The following NIPA1 variants were observed in gnomAD, a reference collection of about 807,000 sequenced individuals.
The protein encoded by NIPA1 is NIPA magnesium transporter 1.
In NIPA1, 13 loss-of-function variants were observed where a neutral mutation model predicts 23.9. That is an observed-to-expected ratio of 0.54 (90% CI 0.35 to 0.87). The LOEUF (loss-of-function observed/expected upper bound fraction) is 0.87. Among genes scored for constraint, NIPA1 ranks in the 40% least tolerant of loss-of-function variants. The pLI is 0.01. For synonymous variants in NIPA1, 234 were observed against 202.9 expected (o/e 1.15, Z -1.30); for missense variants, 362 against 429.7 (o/e 0.84, Z 1.39).
intron 1 of NIPA1, among the ~76,000 whole-genome samples, chr15:22,806,056 T>C (rs1237980430): frequency 6.6e-6 from 1 of 152,126 alleles, no homozygotes; most frequent in Admixed American, 6.5e-5. Context: ...CCCGAATAGC[T>C]GGGACTACAG....
At chr15:22,803,368 T>C (rs2140859492) in intron 1 of NIPA1, among the ~76,000 whole-genome samples, 1 of 152,124 alleles carries the variant, frequency 6.6e-6, no homozygotes, top group African/African-American at 2.4e-5. Flanking sequence ...TACGTATGTA[T>C]ATATATACTC....
intron 1 of NIPA1, among the ~76,000 whole-genome samples, chr15:22,790,212 A>G (rs1274692745): frequency 6.6e-6 from 1 of 152,204 alleles, no homozygotes; most frequent in Non-Finnish European, 1.5e-5. Context: ...TTCCCCAGTG[A>G]CCACCCAGTG....
intron 1 of NIPA1, among the ~76,000 whole-genome samples, chr15:22,795,304 C>T (rs993292050): frequency 7.9e-5 from 12 of 152,184 alleles, no homozygotes; most frequent in African/African-American, 2.6e-4. Flanking sequence ...AGGGCTGCTG[C>T]GTACCGAAGC....
chr15:22,810,351 TATGATAATAAAATTCTTATATAA>T (rs1895294534), intron 1 of NIPA1, among the ~76,000 whole-genome samples: 3 of 152,196 alleles, frequency 2.0e-5, no homozygotes, highest in Non-Finnish European at 4.4e-5. Flanking sequence ...AGTCAAACCC[TATGATAATAAAATTCTTATATAA>T]ATGGACTACA....
rs371993191 is a variant in NIPA1, at chr15:22,824,023, G to C, written c.774G>C (p.Ser258=). ...INKALECFDS[S]VFGAIYYVVF... is the part of the protein sequence containing the mutation. ...AGGCGCTGGAGTGCTTCGACTCCTC[G>C]GTGTTCGGGGCCATCTACTACGTCG... The change falls in exon 5 of 5, where the codon TCG becomes TCC. Residue 258 remains serine, a synonymous_variant. Coordinates refer to ENST00000337435, the MANE Select transcript of NIPA1 (RefSeq NM_144599.5). This position sits in a 1 kb window ranked among gnomAD's most constrained non-coding sequence, Gnocchi z 4.1. 6.2e-7 allele frequency: 1 copy of C among 1,613,972 alleles called. No homozygotes were observed. The highest frequency in any genetic ancestry group is 8.5e-7 in the Non-Finnish European group (1 of 1,179,984).
intron 1 of NIPA1, among the ~76,000 whole-genome samples, chr15:22,807,930 C>T (rs1447926170): frequency 6.6e-6 from 1 of 151,798 alleles, no homozygotes; most frequent in Admixed American, 6.6e-5. Context: ...ACTACAGGCG[C>T]CCACCACCAT....
intron 1 of NIPA1, among the ~76,000 whole-genome samples, chr15:22,790,812 C>G (rs1389899869): frequency 6.6e-6 from 1 of 152,008 alleles, no homozygotes; most frequent in Middle Eastern, 3.2e-3. Context: ...ACATCTGTTG[C>G]AAGCAGCAGA....
chr15:22,788,936 AAGAT>A (rs1566774377), intron 1 of NIPA1, among the ~76,000 whole-genome samples: 2 of 150,592 alleles, frequency 1.3e-5, no homozygotes, highest in East Asian at 3.9e-4. Context: ...AAAAAAAAAA[AAGAT>A]AAATGCTGTT....
At position 22,786,743 on chromosome 15, in the gene NIPA1, G is replaced by T. The variant is rs759070084; in HGVS notation, c.87G>T (p.Ser29=). Reference sequence around the variant, plus strand: ...GTAGCCCGAGCCCCGCCGCCGTGTCGCTCGGCCTGGGCGTGGCCGTCGTGT... The same window carrying T: ...GTAGCCCGAGCCCCGCCGCCGTGTCTCTCGGCCTGGGCGTGGCCGTCGTGT... ...GARSPSPAAV[S]LGLGVAVVSS... is the part of the protein sequence containing the mutation. Residue 29 remains serine, a synonymous_variant, in exon 1 of 5, where the codon TCG becomes TCT. Coordinates refer to ENST00000337435, the MANE Select transcript of NIPA1 (RefSeq NM_144599.5). 5 of 1,278,468 alleles carry T rather than the reference G, an allele frequency of 3.9e-6. No individual in the cohort carries two copies. Among genetic ancestry groups the T allele is most frequent in the South Asian group, 1.7e-5 (1 of 58,034 alleles). 79.2% of individuals were successfully genotyped at this position (1,278,468 alleles called of 1,614,324 possible).
At chr15:22,788,498 C>CAAATAAAAAAAAAAAA in intron 1 of NIPA1, among the ~76,000 whole-genome samples, 1 of 89,586 alleles carries the variant, frequency 1.1e-5, no homozygotes, top group Non-Finnish European at 2.3e-5. Context: ...GACTCCATCT[C>CAAATAAAAAAAAAAAA]AAAAAAAAAA....
intron 3 of NIPA1, among the ~76,000 whole-genome samples, chr15:22,815,238 T>G (rs1895393051): frequency 6.6e-6 from 1 of 152,210 alleles, no homozygotes; most frequent in African/African-American, 2.4e-5. Flanking sequence ...TTCGATAAAT[T>G]TAACCTTGTT....
At chr15:22,806,712 C>G (rs1055740997) in intron 1 of NIPA1, among the ~76,000 whole-genome samples, 1 of 152,114 alleles carries the variant, frequency 6.6e-6, no homozygotes, top group African/African-American at 2.4e-5. Context: ...GTGAAGAAAC[C>G]CAGTTGTTTT....
chr15:22,822,586 T>G (rs915563648), intron 4 of NIPA1, among the ~76,000 whole-genome samples: 1 of 152,144 alleles, frequency 6.6e-6, no homozygotes, highest in Admixed American at 6.5e-5. Context: ...CCCAACACTT[T>G]GGGAGGCCGA....
At chr15:22,794,817 C>T (rs558447579) in intron 1 of NIPA1, among the ~76,000 whole-genome samples, 14 of 152,256 alleles carry the variant, frequency 9.2e-5, no homozygotes, top group Admixed American at 2.6e-4. Flanking sequence ...GGGGACCCTC[C>T]GGACCCTGAC....
rs557252172 is a variant in NIPA1, at chr15:22,802,200, T to G, written c.179-8549T>G. ...CGAGGTCAGGAGTTCGAGACCAGCCTGACCAACATGGTGAAACCCTGTCTC... is the reference window on the plus strand; with the variant it reads ...CGAGGTCAGGAGTTCGAGACCAGCCGGACCAACATGGTGAAACCCTGTCTC... On this transcript the variant is annotated intron_variant, in intron 1 of 4. Transcript: ENST00000337435. Among the ~76,000 whole-genome samples the G allele has an allele frequency of 2.2e-3, 342 of 152,146 alleles. 3 individuals carry two copies. The highest frequency in any genetic ancestry group is 6.8e-3 in the Middle Eastern group (2 of 294).
At chr15:22,790,419 G>T (rs1309707664) in intron 1 of NIPA1, among the ~76,000 whole-genome samples, 1 of 143,426 alleles carries the variant, frequency 7.0e-6, no homozygotes, top group African/African-American at 2.5e-5. Flanking sequence ...GCCTCCCAAA[G>T]TGCTTTTTTT....
At chr15:22,818,419 A>T (rs144380146) in intron 3 of NIPA1, among the ~76,000 whole-genome samples, 1 of 149,352 alleles carries the variant, frequency 6.7e-6, no homozygotes, top group African/African-American at 2.5e-5. Context: ...CTGGGCACCA[A>T]GAGGGAAACT....
chr15:22,812,364 T>A lies in NIPA1; in HGVS notation c.317+111T>A, dbSNP rs566466299. 828 of 803,558 alleles carry A rather than the reference T, an allele frequency of 1.0e-3. 10 individuals carry two copies. In the South Asian group the frequency reaches 0.011, roughly 11 times the overall value. 49.8% of individuals were successfully genotyped at this position (803,558 alleles called of 1,614,324 possible). The stretch of plus-strand genomic sequence containing the variant: ...GAGCAAAATTGTAATAGAAGATAGA[T>A]CTTCAGGCCGGGCATGGTGGCTTAC... On this transcript the variant is annotated intron_variant, in intron 3 of 4. Transcript: ENST00000337435.
Position 22,795,091 on chromosome 15 carries a change from A to G in NIPA1, c.178+8257A>G, listed in dbSNP as rs551067309. On this transcript the variant is annotated intron_variant, in intron 1 of 4. Coordinates refer to ENST00000337435, the MANE Select transcript of NIPA1 (RefSeq NM_144599.5). ...ATGAAAGGATTTCGGAGCTGTCTTC[A>G]GGTGCCTCGGAGCTGACCTTACTTA... Among the ~76,000 whole-genome samples, 34 of 152,226 alleles carry G rather than the reference A, an allele frequency of 2.2e-4. No homozygotes were observed. The South Asian group carries it at 7.0e-3, about 32-fold the overall frequency.
Sources: allele counts gnomAD v4.1 joint callset (sites outside exome capture counted in the v4.1 genomes callset), GRCh38; gene constraint gnomAD v4.1.1; non-coding constraint Gnocchi (gnomAD v3.1); transcripts MANE v1.5; gene names NCBI Gene and HGNC (gene_info 2026-07-23, HGNC 2026-07-21).